The following MT1M variants were observed in gnomAD, a reference collection of about 807,000 sequenced individuals.
MT1M encodes metallothionein 1M, also known as metallothionein-1M.
Under a neutral mutation model 8.5 loss-of-function variants are expected in MT1M, and 11 were observed. That is an observed-to-expected ratio of 1.29 (90% CI 0.81 to 2.14). MT1M has a LOEUF of 2.14. Ranked by LOEUF, MT1M falls within the 30% of genes most tolerant of loss-of-function variation. The pLI, the probability that MT1M is intolerant of heterozygous loss-of-function variation, is 0.00. For synonymous variants in MT1M, 28 were observed against 30.0 expected (o/e 0.93, Z 0.22); for missense variants, 84 against 76.6 (o/e 1.10, Z -0.36).
rs750493330 is a variant in MT1M, at chr16:56,632,764, G to C, written c.28+5G>C. Reference sequence around the variant, plus strand: ...CCAACTGCTCCTGCACCACTGGTAAGAGAAGCCGACCCTGCGCCCTAGGAA... The same window carrying C: ...CCAACTGCTCCTGCACCACTGGTAACAGAAGCCGACCCTGCGCCCTAGGAA... On this transcript the variant is annotated splice_donor_5th_base_variant and intron_variant, in intron 1 of 2. Coordinates refer to ENST00000379818, the MANE Select transcript of MT1M (RefSeq NM_176870.3). 1 of 1,613,860 alleles carries C rather than the reference G, an allele frequency of 6.2e-7. No individual in the cohort carries two copies. The highest frequency in any genetic ancestry group is 1.3e-5 in the African/African-American group (1 of 74,954).
intron 1 of MT1M, 141 bp from the exon 2 acceptor site, chr16:56,633,199 A>G (rs1483672369): frequency 9.5e-6 from 13 of 1,371,066 alleles, no homozygotes; most frequent in Non-Finnish European, 1.3e-5. Flanking sequence ...GTTAGTGGAG[A>G]GGACAGGGGC....
At chr16:56,633,295 TC>T (rs1206016654) in intron 1 of MT1M, 44 bp from the exon 2 acceptor site, 2 of 1,613,976 alleles carry the variant, frequency 1.2e-6, no homozygotes, top group South Asian at 2.2e-5. Flanking sequence ...TGCTGTACCT[TC>T]TTCATCTCAC....
intron 1 of MT1M, 41 bp downstream of exon 1, chr16:56,632,800 C>G: frequency 6.2e-7 from 1 of 1,613,400 alleles, no homozygotes; most frequent in Non-Finnish European, 8.5e-7. Context: ...TCCCATTTCC[C>G]AGCCCCAGTA....
chr16:56,633,284 T>A, intron 1 of MT1M, 56 bp from the exon 2 acceptor site: 2 of 1,613,040 alleles, frequency 1.2e-6, no homozygotes, highest in South Asian at 2.2e-5. Flanking sequence ...CATTGACCCA[T>A]TGCTGTACCT....
At chr16:56,633,052 A>T (rs1430855007) in intron 1 of MT1M, among the ~76,000 whole-genome samples, 9 of 152,112 alleles carry the variant, frequency 5.9e-5, no homozygotes, top group African/African-American at 2.2e-4. Flanking sequence ...ATCAGGGTGG[A>T]CTGGGGGCTG....
chr16:56,633,484 C>T lies in MT1M; in HGVS notation c.94+79C>T, dbSNP rs781450949. ...AACCCAAGGCTGGCCCTGAGTGCAT[C>T]CTTCTGGGGAACTGGGCTTTCTTTG... On this transcript the variant is annotated intron_variant, in intron 2 of 2. Transcript: ENST00000379818. 16 of 1,613,784 alleles carry T rather than the reference C, an allele frequency of 9.9e-6. No homozygotes were observed. The Admixed American group carries it at 2.5e-4, about 25-fold the overall frequency.
chr16:56,633,664 G>C, intron 2 of MT1M, 87 bp from the exon 3 acceptor site: 1 of 1,601,912 alleles, frequency 6.2e-7, no homozygotes, highest in Non-Finnish European at 8.6e-7. Context: ...TCTGGGTCTG[G>C]GTTCTGAGCT....
intron 2 of MT1M, 41 bp from the exon 3 acceptor site, chr16:56,633,710 G>A (rs772483741): frequency 1.7e-5 from 28 of 1,611,902 alleles, no homozygotes; most frequent in South Asian, 1.3e-4. Context: ...GGCGGTGCCC[G>A]GTCAAGTCTA....
In MT1M at chr16:56,632,715, C is replaced by T. The variant is rs1301177649; in HGVS notation, c.-17C>T. On this transcript the variant is annotated 5_prime_UTR_variant, in exon 1 of 3. Transcript: ENST00000379818. ...TCCATTTATCGCTTGAGATCTCCAG[C>T]CTTACCGCGGCTCGAAATGGACCCC... The T allele has an allele frequency of 1.2e-6, 2 of 1,613,254 alleles. No individual in the cohort carries two copies. Among genetic ancestry groups the T allele is most frequent in the African/African-American group, 2.7e-5 (2 of 74,904 alleles).
chr16:56,632,781 C>A (rs755580005), intron 1 of MT1M, 22 bp downstream of exon 1: 1 of 1,613,816 alleles, frequency 6.2e-7, no homozygotes, highest in Non-Finnish European at 8.5e-7. Context: ...CGACCCTGCG[C>A]CCTAGGAATC....
intron 1 of MT1M, 58 bp downstream of exon 1, chr16:56,632,817 G>C: frequency 6.2e-7 from 1 of 1,607,114 alleles, no homozygotes. Flanking sequence ...AGTACTGAGG[G>C]TCTCTGGGTT....
In MT1M at chr16:56,632,700, G is replaced by A. The variant is rs372415270; in HGVS notation, c.-32G>A. The A allele has an allele frequency of 2.0e-5, 33 of 1,612,800 alleles. No homozygotes were observed. The highest frequency in any genetic ancestry group is 3.9e-4 in the Middle Eastern group (2 of 5,136). On this transcript the variant is annotated 5_prime_UTR_variant, in exon 1 of 3. Coordinates refer to ENST00000379818, the MANE Select transcript of MT1M (RefSeq NM_176870.3). ...GGGCCTAGCAGTCGCTCCATTTATC[G>A]CTTGAGATCTCCAGCCTTACCGCGG...
chr16:56,632,837 C>T (rs1960306878), intron 1 of MT1M, 78 bp downstream of exon 1: 9 of 1,565,796 alleles, frequency 5.7e-6, no homozygotes, highest in African/African-American at 5.4e-5. Context: ...TTGAGGAGGT[C>T]GCATTTAAGT....
chr16:56,633,285 T>G (rs1302454554), intron 1 of MT1M, 55 bp from the exon 2 acceptor site: 175 of 1,613,244 alleles, frequency 1.1e-4, no homozygotes, highest in Non-Finnish European at 1.4e-4. Flanking sequence ...ATTGACCCAT[T>G]GCTGTACCTT....
At chr16:56,632,872 C>T (rs1960307285) in intron 1 of MT1M, 113 bp downstream of exon 1, 9 of 1,355,952 alleles carry the variant, frequency 6.6e-6, no homozygotes, top group Middle Eastern at 3.9e-4. Flanking sequence ...AATTCCTTTA[C>T]TTCCTTAGGT....
intron 1 of MT1M, 57 bp from the exon 2 acceptor site, chr16:56,633,283 A>T: frequency 6.2e-7 from 1 of 1,613,080 alleles, no homozygotes; most frequent in Admixed American, 1.7e-5. Context: ...TCATTGACCC[A>T]TTGCTGTACC....
intron 2 of MT1M, 161 bp downstream of exon 2, chr16:56,633,566 C>T (rs757042983): frequency 1.3e-6 from 2 of 1,592,076 alleles, no homozygotes; most frequent in East Asian, 4.6e-5. Flanking sequence ...TCAGATGGGG[C>T]AGGACAGCAT....
In MT1M at chr16:56,633,906, A is replaced by G. The variant is rs1290584846; in HGVS notation, c.*64A>G. On this transcript the variant is annotated 3_prime_UTR_variant, in exon 3 of 3. Transcript: ENST00000379818. ...GCTGCACAACCTGGATTTTTTTTCA[A>G]TACGATACTGAGCCATTTGCTGCAT... 3.9e-6 allele frequency: 6 copies of G among 1,543,464 alleles called. No individual in the cohort carries two copies. The highest frequency in any genetic ancestry group is 1.8e-5 in the Admixed American group (1 of 57,078).
chr16:56,633,367 G>C lies in MT1M; in HGVS notation c.56G>C (p.Cys19Ser). 6.2e-6 allele frequency: 10 copies of C among 1,614,216 alleles called. No individual in the cohort carries two copies. Among genetic ancestry groups the C allele is most frequent in the Non-Finnish European group, 8.5e-6 (10 of 1,180,042 alleles). The change falls in exon 2 of 3, where the codon TGC becomes TCC. Residue 19 changes from cysteine (C) to serine (S), a missense_variant. Transcript: ENST00000379818. ...GTCTCCTGCGCCTGCACCGGCTCCT[G>C]CACGTGCAAAGAGTGCAAATGCACC... ...TGVSCACTGS[C>S]TCKECKCTSC...
Sources: allele counts gnomAD v4.1 joint callset (sites outside exome capture counted in the v4.1 genomes callset), GRCh38; gene constraint gnomAD v4.1.1; transcripts MANE v1.5; gene names NCBI Gene and HGNC (gene_info 2026-07-23, HGNC 2026-07-21).